NBEA: variants seen among roughly 807,000 people sequenced by gnomAD.
NBEA encodes the protein lysosomal-trafficking regulator 2.
Under a neutral mutation model 343.4 loss-of-function variants are expected in NBEA, and 44 were observed. That is an observed-to-expected ratio of 0.13 (90% CI 0.10 to 0.16). NBEA has a LOEUF of 0.16. Among genes scored for constraint, NBEA ranks in the 10% least tolerant of loss-of-function variants. The probability of loss-of-function intolerance (pLI) is 1.00; values close to 1 mark genes in which losing one functional copy is unlikely to be tolerated. For missense variants in NBEA, 2,555 were observed against 3,631.3 expected (o/e 0.70, Z 7.62); for synonymous variants, 1,175 against 1,238.7 (o/e 0.95, Z 1.08).
At chr13:35,450,255 G>A (rs1433067988) in intron 39 of NBEA, among the ~76,000 whole-genome samples, 5 of 151,794 alleles carry the variant, frequency 3.3e-5, no homozygotes, top group Admixed American at 6.6e-5. Context: ...TGGGAGGATC[G>A]CTTGAGCTCA....
intron 1 of NBEA, 55 bp from the exon 2 acceptor site, chr13:35,040,878 C>T: frequency 7.1e-7 from 1 of 1,404,838 alleles, no homozygotes; most frequent in East Asian, 2.3e-5. Flanking sequence ...TTTCATTCTA[C>T]TGTCATCGAT....
chr13:35,001,057 C>G (rs938062305), intron 1 of NBEA, among the ~76,000 whole-genome samples: 3 of 152,116 alleles, frequency 2.0e-5, no homozygotes, highest in Admixed American at 6.6e-5. Context: ...TCATCTCAGC[C>G]TCCTGAGTAG....
chr13:35,556,482 G>T (rs1305664531), intron 44 of NBEA, among the ~76,000 whole-genome samples: 1 of 151,790 alleles, frequency 6.6e-6, no homozygotes, highest in African/African-American at 2.4e-5. Context: ...TAACTGGTAT[G>T]TTTGGTCTTA....
At chr13:35,307,515 T>A (rs367591788) in intron 35 of NBEA, among the ~76,000 whole-genome samples, 3 of 152,094 alleles carry the variant, frequency 2.0e-5, no homozygotes, top group South Asian at 2.1e-4. Flanking sequence ...TCTCTTGATT[T>A]TTTTAGACAA....
chr13:34,957,975 G>A (rs2059551851), intron 1 of NBEA, among the ~76,000 whole-genome samples: 1 of 151,998 alleles, frequency 6.6e-6, no homozygotes, highest in Non-Finnish European at 1.5e-5. Flanking sequence ...TTATAATGTG[G>A]CTTTTGAGAA....
intron 41 of NBEA, among the ~76,000 whole-genome samples, chr13:35,522,655 G>A (rs1340143959): frequency 2.0e-5 from 3 of 151,964 alleles, no homozygotes; most frequent in African/African-American, 4.8e-5. Context: ...CCAGCAGGAG[G>A]TGAGCAGCAG....
chr13:35,511,384 T>C (rs2077270018), intron 41 of NBEA, among the ~76,000 whole-genome samples: 1 of 152,170 alleles, frequency 6.6e-6, no homozygotes, highest in South Asian at 2.1e-4. Flanking sequence ...ATGTTGCATA[T>C]ATAACATACA....
At chr13:35,590,898 G>A (rs1272461803) in intron 46 of NBEA, among the ~76,000 whole-genome samples, 1 of 152,066 alleles carries the variant, frequency 6.6e-6, no homozygotes, top group Non-Finnish European at 1.5e-5. Flanking sequence ...TACCTTGTAT[G>A]TTTAGGTGTA....
intron 41 of NBEA, among the ~76,000 whole-genome samples, chr13:35,489,300 A>T (rs547624056): frequency 6.6e-6 from 1 of 152,024 alleles, no homozygotes; most frequent in African/African-American, 2.4e-5. Flanking sequence ...AAGAGGTGTT[A>T]TCACATGAAT....
intron 40 of NBEA, among the ~76,000 whole-genome samples, chr13:35,467,790 A>G (rs914742501): frequency 6.6e-6 from 1 of 152,210 alleles, no homozygotes; most frequent in Non-Finnish European, 1.5e-5. Flanking sequence ...GTAGTTTCCA[A>G]GTAATTGAAG....
intron 45 of NBEA, among the ~76,000 whole-genome samples, chr13:35,571,142 A>G (rs984258930): frequency 6.6e-6 from 1 of 152,210 alleles, no homozygotes; most frequent in African/African-American, 2.4e-5. Context: ...GTTTCAATAA[A>G]CATGTGGTAC....
At position 35,603,048 on chromosome 13, in the gene NBEA, G is replaced by C. The variant is rs531279895; in HGVS notation, c.7297-3378G>C. Among the ~76,000 whole-genome samples the C allele has an allele frequency of 2.0e-5, 3 of 152,244 alleles. No individual in the cohort carries two copies. In the East Asian group the frequency reaches 5.8e-4, roughly 29 times the overall value. On this transcript the variant is annotated intron_variant, in intron 47 of 58. Coordinates refer to ENST00000379939, the MANE Select transcript of NBEA (RefSeq NM_001385012.1). ...CTTTTGAGCCTTTTAAATGTAACTTGAATAAGCAAGATAACATTTTTTAAA... is the reference window on the plus strand; with the variant it reads ...CTTTTGAGCCTTTTAAATGTAACTTCAATAAGCAAGATAACATTTTTTAAA...
chr13:35,287,681 T>A (rs1361949387), intron 34 of NBEA, among the ~76,000 whole-genome samples: 4 of 152,070 alleles, frequency 2.6e-5, no homozygotes, highest in Admixed American at 6.6e-5. Context: ...CACCTTTGAA[T>A]TGACCATTAC....
intron 34 of NBEA, among the ~76,000 whole-genome samples, chr13:35,286,574 T>C (rs1482144593): frequency 6.6e-6 from 1 of 152,162 alleles, no homozygotes; most frequent in Non-Finnish European, 1.5e-5. Flanking sequence ...TAACTTGATA[T>C]TCAATTCAAC....
chr13:35,649,154 G>T (rs1039443857), intron 51 of NBEA, among the ~76,000 whole-genome samples: 1 of 152,136 alleles, frequency 6.6e-6, no homozygotes, highest in Admixed American at 6.5e-5. Context: ...CCAGGGAAGC[G>T]CTCGGCTGCT....
intron 1 of NBEA, among the ~76,000 whole-genome samples, chr13:34,957,098 CAT>C (rs908394616): frequency 3.3e-5 from 5 of 151,950 alleles, no homozygotes; most frequent in East Asian, 1.9e-4. Context: ...TACACACACA[CAT>C]ATATATACCC....
chr13:35,600,350 C>T (rs1404478761), intron 47 of NBEA, among the ~76,000 whole-genome samples: 7 of 152,256 alleles, frequency 4.6e-5, no homozygotes, highest in South Asian at 4.1e-4. Flanking sequence ...TTTTGCATGC[C>T]TCACATAACT....
At chr13:35,224,842 G>A (rs2074563496) in intron 33 of NBEA, among the ~76,000 whole-genome samples, 1 of 152,110 alleles carries the variant, frequency 6.6e-6, no homozygotes, top group Non-Finnish European at 1.5e-5. Context: ...GTATAGGATA[G>A]TAGTTCCTGA....
chr13:35,064,253 C>T (rs1490034867), intron 8 of NBEA, among the ~76,000 whole-genome samples: 1 of 151,746 alleles, frequency 6.6e-6, no homozygotes, highest in African/African-American at 2.4e-5. Context: ...CTTGGGAAAG[C>T]CAGTGTTTGT....
Sources: allele counts gnomAD v4.1 joint callset (sites outside exome capture counted in the v4.1 genomes callset), GRCh38; gene constraint gnomAD v4.1.1; transcripts MANE v1.5; gene names NCBI Gene and HGNC (gene_info 2026-07-23, HGNC 2026-07-21).